Variants in BTAF1 observed in about 807,000 individuals in gnomAD.
BTAF1 encodes B-TFIID TATA-box binding protein associated factor 1.
BTAF1 carries 38 observed loss-of-function variants against 227.1 expected under a neutral mutation model. That is an observed-to-expected ratio of 0.17 (90% CI 0.13 to 0.22). BTAF1 has a LOEUF of 0.22. Among genes scored for constraint, BTAF1 ranks in the 10% least tolerant of loss-of-function variants. BTAF1 has a pLI of 1.00. For synonymous variants in BTAF1, 742 were observed against 751.9 expected (o/e 0.99, Z 0.21); for missense variants, 1,598 against 2,204.0 (o/e 0.73, Z 5.51).
At chr10:91,949,464 C>T (rs755805411) in intron 4 of BTAF1, among the ~76,000 whole-genome samples, 7 of 152,084 alleles carry the variant, frequency 4.6e-5, no homozygotes, top group Non-Finnish European at 1.0e-4. Context: ...ACATTATGAA[C>T]GTTATGCGGT....
At chr10:91,940,164 T>A (rs989776405) in intron 3 of BTAF1, 98 bp downstream of exon 3, 2 of 722,402 alleles carry the variant, frequency 2.8e-6, no homozygotes, top group Non-Finnish European at 4.4e-6. Context: ...TTTTAAAGTC[T>A]TAATTTCCAT....
At chr10:91,985,271 T>C (rs1368958734) in intron 19 of BTAF1, among the ~76,000 whole-genome samples, 2 of 151,160 alleles carry the variant, frequency 1.3e-5, no homozygotes, top group Non-Finnish European at 2.9e-5. Context: ...TTTCTTAGAA[T>C]GGTATTTTTG....
chr10:92,025,867 G>GT (rs1373340329), intron 35 of BTAF1, among the ~76,000 whole-genome samples: 6 of 146,454 alleles, frequency 4.1e-5, no homozygotes, highest in African/African-American at 1.5e-4. Context: ...GCACAATAAA[G>GT]TTAGAGACCC....
intron 25 of BTAF1, among the ~76,000 whole-genome samples, chr10:92,004,031 A>AT (rs918427522): frequency 5.8e-4 from 86 of 148,092 alleles, no homozygotes; most frequent in African/African-American, 1.6e-3. Context: ...GGCCATTTGT[A>AT]TTTTTTTTTT....
chr10:92,023,832 C>T lies in BTAF1; in HGVS notation c.4864-924C>T, dbSNP rs1851305607. 4.6e-5 allele frequency among the ~76,000 whole-genome samples: 7 copies of T among 152,286 alleles called. 2 individuals are homozygous for T. The South Asian group carries it at 1.5e-3, about 32-fold the overall frequency. ...CATTTTTAGTAGAGACAGGATTTCG[C>T]CATGTTGGCCCGGCTGGTCTCGAAC... is the stretch of plus-strand genomic sequence containing the variant. On this transcript the variant is annotated intron_variant, in intron 34 of 37. Transcript: ENST00000265990.
At chr10:91,938,259 A>G (rs1844767740) in intron 2 of BTAF1, among the ~76,000 whole-genome samples, 1 of 152,216 alleles carries the variant, frequency 6.6e-6, no homozygotes, top group Non-Finnish European at 1.5e-5. Context: ...ATTTGGAAAT[A>G]TACTCTTCTA....
At chr10:91,948,061 A>T (rs1845501915) in intron 4 of BTAF1, among the ~76,000 whole-genome samples, 1 of 152,030 alleles carries the variant, frequency 6.6e-6, no homozygotes, top group African/African-American at 2.4e-5. Flanking sequence ...CACAACGTGC[A>T]GGTTTGTCAC....
At chr10:91,933,413 A>G (rs1022727225) in intron 1 of BTAF1, among the ~76,000 whole-genome samples, 1 of 152,222 alleles carries the variant, frequency 6.6e-6, no homozygotes, top group African/African-American at 2.4e-5. Flanking sequence ...AACAGTATAC[A>G]GTTTCCTCAG....
intron 3 of BTAF1, among the ~76,000 whole-genome samples, chr10:91,940,451 T>A (rs1285054262): frequency 6.6e-6 from 1 of 152,044 alleles, no homozygotes; most frequent in Admixed American, 6.5e-5. Flanking sequence ...AGCACAATTA[T>A]ATATGGATAT....
Position 91,981,732 on chromosome 10 carries a change from G to A in BTAF1, c.1845G>A (p.Met615Ile). The A allele has an allele frequency of 6.2e-7, 1 of 1,613,822 alleles. No homozygotes were observed. Among genetic ancestry groups the A allele is most frequent in the Non-Finnish European group, 8.5e-7 (1 of 1,179,838 alleles). ...TGGGTGCTTGGCTTTGCTTGATGAT[G>A]CAGCCTTCTCATTTACCTATCGATT... ...PWMGAWLCLM[M>I]QPSHLPIDLN... The change falls in exon 16 of 38, where the codon ATG becomes ATA. Residue 615 changes from methionine to isoleucine, a missense_variant. By Grantham distance (10) the Met-to-Ile change is conservative. Around this residue, in one of 10 missense-constraint regions of BTAF1, gnomAD observed 318 missense variants for 435.0 expected, o/e 0.73. Transcript: ENST00000265990.
intron 20 of BTAF1, 105 bp from the exon 21 acceptor site, chr10:91,992,014 G>A: frequency 1.1e-6 from 1 of 872,862 alleles, no homozygotes. Flanking sequence ...TAAAAGTTGA[G>A]GCCTAAAAGA....
At chr10:91,935,594 A>C in intron 1 of BTAF1, 63 bp from the exon 2 acceptor site, 2 of 1,567,626 alleles carry the variant, frequency 1.3e-6, no homozygotes, top group Non-Finnish European at 1.7e-6. Context: ...ACGTTTATTG[A>C]CTTAAACTTG....
At chr10:91,972,992 C>CT (rs1847411223) in intron 14 of BTAF1, among the ~76,000 whole-genome samples, 1 of 152,148 alleles carries the variant, frequency 6.6e-6, no homozygotes, top group Admixed American at 6.5e-5. Context: ...ACTTCTGGCT[C>CT]CAGGGAATTT....
chr10:91,960,289 G>A (rs1192038347), intron 11 of BTAF1, 135 bp downstream of exon 11: 1 of 932,138 alleles, frequency 1.1e-6, no homozygotes, highest in Admixed American at 3.0e-5. Context: ...GCCGTCTTGA[G>A]AGAGTGTCAT....
intron 19 of BTAF1, 64 bp from the exon 20 acceptor site, chr10:91,989,090 G>A (rs190219216): frequency 2.2e-6 from 3 of 1,385,294 alleles, no homozygotes. Flanking sequence ...CTACCCTTTA[G>A]GAGCTTACAG....
intron 1 of BTAF1, among the ~76,000 whole-genome samples, chr10:91,933,056 G>T (rs563614125): frequency 3.2e-4 from 49 of 152,296 alleles, no homozygotes; most frequent in Admixed American, 9.8e-4. Flanking sequence ...TGACCATTCT[G>T]GGGATCTGGC....
Position 91,960,121 on chromosome 10 carries a change from G to C in BTAF1, c.1230G>C (p.Leu410=), listed in dbSNP as rs769267590. 8 of 1,613,454 alleles carry C rather than the reference G, an allele frequency of 5.0e-6. No individual in the cohort carries two copies. Among genetic ancestry groups the C allele is most frequent in the Non-Finnish European group, 6.8e-6 (8 of 1,179,662 alleles). The change falls in exon 11 of 38, where the codon CTG becomes CTC. Residue 410 remains leucine (L), a synonymous_variant. Transcript: ENST00000265990. ...QEQWEVRHGG[L]LGIKYALAVR... ...AATGGGAAGTTAGACATGGTGGTCT[G>C]CTGGGAATAAAATATGCTTTGGCAG... is the stretch of plus-strand genomic sequence containing the variant.
At chr10:91,935,808 T>TA in intron 2 of BTAF1, 28 bp downstream of exon 2, 1 of 1,566,356 alleles carries the variant, frequency 6.4e-7, no homozygotes, top group Non-Finnish European at 8.7e-7. Flanking sequence ...TCTTTTAGCA[T>TA]AATACAATTG....
chr10:91,996,687 AT>A, intron 24 of BTAF1, 117 bp downstream of exon 24: 1 of 902,502 alleles, frequency 1.1e-6, no homozygotes, highest in Admixed American at 2.9e-5. Flanking sequence ...GTTCCAAAAA[AT>A]ACCTATTCTT....
Sources: gnomAD v4.1 joint callset for allele counts (sites outside exome capture counted in the v4.1 genomes callset) on GRCh38, gnomAD v4.1.1 for gene constraint, gnomAD v4.1.1 regional missense constraint, MANE v1.5 for transcripts, NCBI Gene and HGNC (gene_info 2026-07-23, HGNC 2026-07-21) for gene names.